The following HCN1 variants were observed in gnomAD, a reference collection of about 807,000 sequenced individuals.
HCN1 encodes the protein potassium/sodium hyperpolarization-activated cyclic nucleotide-gated channel 1.
Under a neutral mutation model 78.9 loss-of-function variants are expected in HCN1, and 13 were observed. The observed-to-expected ratio is 0.16, with a 90% CI of 0.11 to 0.26. The LOEUF is 0.26. Among genes scored for constraint, HCN1 ranks in the 10% least tolerant of loss-of-function variants. HCN1 has a pLI of 1.00. For missense variants in HCN1, 810 were observed against 1,154.3 expected, an observed-to-expected ratio of 0.70 and a Z score of 4.32; for synonymous variants, 552 against 455.5, an observed-to-expected ratio of 1.21 and a Z score of -2.70.
intron 5 of HCN1, among the ~76,000 whole-genome samples, chr5:45,321,075 T>G (rs1191544277): frequency 6.6e-6 from 1 of 151,804 alleles, no homozygotes; most frequent in Non-Finnish European, 1.5e-5. Flanking sequence ...AATGAAAATT[T>G]TCTTTGTGGC....
At chr5:45,268,083 G>A (rs1441583740) in intron 6 of HCN1, among the ~76,000 whole-genome samples, 2 of 152,110 alleles carry the variant, frequency 1.3e-5, no homozygotes, top group African/African-American at 4.8e-5. Flanking sequence ...CTAGACCAGA[G>A]GTTTAGATAT....
intron 2 of HCN1, among the ~76,000 whole-genome samples, chr5:45,552,203 CA>C (rs1264734524): frequency 6.6e-6 from 1 of 151,864 alleles, no homozygotes; most frequent in Non-Finnish European, 1.5e-5. Flanking sequence ...CCAGAAACTG[CA>C]AAGGCTTCAT....
At chr5:45,550,345 T>C (rs1282472038) in intron 2 of HCN1, among the ~76,000 whole-genome samples, 1 of 152,134 alleles carries the variant, frequency 6.6e-6, no homozygotes, top group Non-Finnish European at 1.5e-5. Context: ...ATGTCCTTTG[T>C]AGGGACATGG....
chr5:45,394,893 T>C (rs1199625684), intron 4 of HCN1, among the ~76,000 whole-genome samples: 1 of 152,222 alleles, frequency 6.6e-6, no homozygotes, highest in Non-Finnish European at 1.5e-5. Context: ...AGGGTTATAC[T>C]AGTTTTCTTG....
rs1331519786 is a variant in HCN1 at position 45,657,104 on chromosome 5, G to A, written c.426-11496C>T. Among the ~76,000 whole-genome samples the A allele has an allele frequency of 2.0e-5, 3 of 152,238 alleles. No homozygotes were observed. The East Asian group carries it at 5.8e-4, about 29-fold the overall frequency. On this transcript the variant is annotated intron_variant, in intron 1 of 7. Coordinates refer to ENST00000303230, the MANE Select transcript of HCN1 (RefSeq NM_021072.4). ...CAGGTCTGTAACAAATATCGAGGGT[G>A]TGTGGGCAGACCAACATTTGCTGTG...
intron 6 of HCN1, among the ~76,000 whole-genome samples, chr5:45,269,366 C>T (rs1031277513): frequency 1.3e-5 from 2 of 152,008 alleles, no homozygotes; most frequent in African/African-American, 2.4e-5. Flanking sequence ...TATCTTTATA[C>T]TTATTATATT....
chr5:45,588,410 A>G (rs1744285830), intron 2 of HCN1, among the ~76,000 whole-genome samples: 1 of 152,188 alleles, frequency 6.6e-6, no homozygotes, highest in African/African-American at 2.4e-5. Flanking sequence ...TTAAATTCCA[A>G]ACAAAATGTT....
At chr5:45,569,413 C>A (rs747073673) in intron 2 of HCN1, among the ~76,000 whole-genome samples, 33 of 152,142 alleles carry the variant, frequency 2.2e-4, no homozygotes, top group Non-Finnish European at 3.5e-4. Flanking sequence ...TTTAAAAATT[C>A]TTTTGAGAAA....
At chr5:45,596,490 A>C (rs1744498873) in intron 2 of HCN1, among the ~76,000 whole-genome samples, 1 of 152,224 alleles carries the variant, frequency 6.6e-6, no homozygotes, top group Non-Finnish European at 1.5e-5. Flanking sequence ...AGGAATGTCA[A>C]TGAATAACAG....
At chr5:45,477,715 A>G (rs1362364395) in intron 2 of HCN1, among the ~76,000 whole-genome samples, 1 of 152,188 alleles carries the variant, frequency 6.6e-6, no homozygotes, top group Non-Finnish European at 1.5e-5. Context: ...TTGCAAATAT[A>G]TAAGGAAAAC....
In HCN1 at chr5:45,259,422, T is replaced by C. The variant is rs1332686011; in HGVS notation, c.*2499A>G. ...GAAAGACCAATGAATAATACATTTC[T>C]TTCTGTACAGATTAAAACTCCATAC... On this transcript the variant is annotated 3_prime_UTR_variant, in exon 8 of 8. Transcript: ENST00000303230. 6.6e-6 allele frequency: 1 copy of C among 152,456 alleles called. No individual in the cohort carries two copies. The highest frequency in any genetic ancestry group is 2.4e-5 in the African/African-American group (1 of 41,446). 9.4% of individuals were successfully genotyped at this position (152,456 alleles called of 1,614,324 possible). A position where few individuals can be genotyped will look rare whatever the true frequency, so the allele number is the denominator to read the frequency against.
At chr5:45,549,536 T>C (rs1474730128) in intron 2 of HCN1, among the ~76,000 whole-genome samples, 11 of 152,082 alleles carry the variant, frequency 7.2e-5, no homozygotes, top group Non-Finnish European at 1.0e-4. Context: ...CCTAAAACCA[T>C]AAAAACCCTA....
chr5:45,284,668 C>A (rs1390175525), intron 6 of HCN1, among the ~76,000 whole-genome samples: 1 of 152,062 alleles, frequency 6.6e-6, no homozygotes, highest in East Asian at 1.9e-4. Context: ...TTTAATTTCC[C>A]AGCCGGGAGC....
chr5:45,487,163 TAAC>T (rs1450949462), intron 2 of HCN1, among the ~76,000 whole-genome samples: 6 of 152,118 alleles, frequency 3.9e-5, no homozygotes, highest in African/African-American at 1.4e-4. Context: ...GTCAGTATTT[TAAC>T]AACTTTAGGT....
At chr5:45,384,999 A>G (rs1747884081) in intron 4 of HCN1, among the ~76,000 whole-genome samples, 1 of 152,206 alleles carries the variant, frequency 6.6e-6, no homozygotes. Flanking sequence ...AATTAAACAG[A>G]CAACTTTTAA....
At chr5:45,266,417 C>CA (rs1171287078) in intron 7 of HCN1, among the ~76,000 whole-genome samples, 2 of 151,424 alleles carry the variant, frequency 1.3e-5, no homozygotes, top group South Asian at 4.2e-4. Context: ...TCCAAAAATA[C>CA]AAAAAAAGTG....
chr5:45,382,944 A>T (rs1014758525), intron 4 of HCN1, among the ~76,000 whole-genome samples: 3 of 152,170 alleles, frequency 2.0e-5, no homozygotes, highest in Non-Finnish European at 2.9e-5. Context: ...CAGTAGAGAA[A>T]ACTTTGGATC....
intron 2 of HCN1, among the ~76,000 whole-genome samples, chr5:45,494,739 C>G (rs1025520749): frequency 6.6e-6 from 1 of 152,044 alleles, no homozygotes; most frequent in African/African-American, 2.4e-5. Context: ...TTAGGTCTAA[C>G]GTTTAAGTCT....
intron 4 of HCN1, among the ~76,000 whole-genome samples, chr5:45,384,290 C>A (rs1579860010): frequency 6.6e-6 from 1 of 152,040 alleles, no homozygotes; most frequent in African/African-American, 2.4e-5. Flanking sequence ...AAAACACCCA[C>A]AGATATCTAA....
Sources: allele counts gnomAD v4.1 joint callset (sites outside exome capture counted in the v4.1 genomes callset), GRCh38; gene constraint gnomAD v4.1.1; transcripts MANE v1.5; gene names NCBI Gene and HGNC (gene_info 2026-07-23, HGNC 2026-07-21).